CMSS1: variants seen among roughly 807,000 people sequenced by gnomAD.
The protein encoded by CMSS1 is cms1 ribosomal small subunit homolog.
In CMSS1, 33 loss-of-function variants were observed where a neutral mutation model predicts 43.5. That is an observed-to-expected ratio of 0.76 (90% CI 0.57 to 1.01). The LOEUF (loss-of-function observed/expected upper bound fraction) is 1.01, where lower values mean the gene tolerates loss of function less well. Among genes scored for constraint, CMSS1 ranks in the 50% least tolerant of loss-of-function variants. The pLI is 0.00. For missense variants in CMSS1, 313 were observed against 326.4 expected (o/e 0.96, Z 0.32); for synonymous variants, 115 against 117.2 (o/e 0.98, Z 0.12).
chr3:99,870,309 A>G (rs985084609), intron 1 of CMSS1, among the ~76,000 whole-genome samples: 1 of 152,210 alleles, frequency 6.6e-6, no homozygotes, highest in Admixed American at 6.5e-5. Flanking sequence ...TTGAGACACT[A>G]ACATTTATCC....
chr3:99,991,838 G>A lies in CMSS1; in HGVS notation c.65-155135G>A, dbSNP rs984058682. Among the ~76,000 whole-genome samples the A allele has an allele frequency of 2.5e-3, 365 of 147,118 alleles. 1 individual carries two copies. Among genetic ancestry groups the A allele is most frequent in the African/African-American group, 8.6e-3 (344 of 39,888 alleles). Reference sequence around the variant, plus strand: ...CCATGGTGTGTGTATATATATATATGTGTGTGTGTGTGTGTGTGTATGTGT... The same window carrying A: ...CCATGGTGTGTGTATATATATATATATGTGTGTGTGTGTGTGTGTATGTGT... On this transcript the variant is annotated intron_variant, in intron 1 of 9. Coordinates refer to ENST00000421999, the MANE Select transcript of CMSS1 (RefSeq NM_032359.4).
chr3:99,819,270 T>C (rs748226283), intron 1 of CMSS1, among the ~76,000 whole-genome samples: 7 of 152,118 alleles, frequency 4.6e-5, no homozygotes, highest in Non-Finnish European at 1.0e-4. Flanking sequence ...TAACTACCCC[T>C]CCCAACTCAG....
At chr3:99,867,981 G>A (rs1328225518) in intron 1 of CMSS1, among the ~76,000 whole-genome samples, 6 of 152,160 alleles carry the variant, frequency 3.9e-5, no homozygotes, top group Admixed American at 2.0e-4. Flanking sequence ...TATTTAGACT[G>A]TTAATTTCAA....
At chr3:99,967,178 G>T (rs1708679388) in intron 1 of CMSS1, among the ~76,000 whole-genome samples, 1 of 152,224 alleles carries the variant, frequency 6.6e-6, no homozygotes, top group African/African-American at 2.4e-5. Flanking sequence ...AGGACTCTTG[G>T]AATGTGTTCT....
intron 1 of CMSS1, among the ~76,000 whole-genome samples, chr3:99,872,079 AT>A (rs778983945): frequency 5.9e-5 from 9 of 152,068 alleles, no homozygotes; most frequent in Non-Finnish European, 8.8e-5. Flanking sequence ...CCTAGCACTA[AT>A]TAAGGAAAAA....
chr3:100,010,194 A>G (rs1315978056), intron 1 of CMSS1: 1 of 893,588 alleles, frequency 1.1e-6, no homozygotes, highest in Non-Finnish European at 1.3e-6. Flanking sequence ...AAGTATTGCT[A>G]TTTTTATCAA....
intron 1 of CMSS1, among the ~76,000 whole-genome samples, chr3:99,824,399 C>G (rs1461867344): frequency 6.6e-5 from 10 of 152,140 alleles, no homozygotes; most frequent in Non-Finnish European, 1.5e-4. Context: ...TATTATTTTT[C>G]CTTGTTAAAT....
Position 100,162,333 on chromosome 3 carries a change from G to C in CMSS1, c.256G>C (p.Glu86Gln), listed in dbSNP as rs139355781. 186 of 1,612,118 alleles carry C rather than the reference G, an allele frequency of 1.2e-4. No homozygotes were observed. Among genetic ancestry groups the C allele is most frequent in the Non-Finnish European group, 1.5e-4 (172 of 1,179,088 alleles). ...AATTACTGATGTTCTTGCAAAATCA[G>C]AACCAAAACCAGGGTTACCTGAAGA... ...KKITDVLAKS[E>Q]PKPGLPEDLQ... Residue 86 changes from glutamate (E) to glutamine (Q), a missense_variant, in exon 4 of 10, where the codon GAA becomes CAA. Coordinates refer to ENST00000421999, the MANE Select transcript of CMSS1 (RefSeq NM_032359.4).
chr3:99,893,574 G>T (rs184646532), intron 1 of CMSS1, among the ~76,000 whole-genome samples: 2 of 152,172 alleles, frequency 1.3e-5, no homozygotes, highest in East Asian at 3.9e-4. Flanking sequence ...GTTTTTTAAG[G>T]TATGAGGTTT....
At chr3:100,058,618 C>CT (rs1381892542) in intron 1 of CMSS1, among the ~76,000 whole-genome samples, 7 of 152,142 alleles carry the variant, frequency 4.6e-5, no homozygotes, top group Admixed American at 2.0e-4. Context: ...TTTCTCTCCG[C>CT]TTTTTTTCTC....
At chr3:99,989,687 T>TC (rs1475039245) in intron 1 of CMSS1, among the ~76,000 whole-genome samples, 2 of 149,524 alleles carry the variant, frequency 1.3e-5, no homozygotes, top group African/African-American at 5.0e-5. Flanking sequence ...TATATATATT[T>TC]TTTTTCTTTT....
intron 1 of CMSS1, among the ~76,000 whole-genome samples, chr3:99,884,490 G>A (rs1441571073): frequency 5.3e-5 from 8 of 152,180 alleles, no homozygotes; most frequent in Non-Finnish European, 1.2e-4. Flanking sequence ...GGAAAGGGAA[G>A]GGAAAGGAAT....
At chr3:100,032,464 T>G (rs1576656646) in intron 1 of CMSS1, among the ~76,000 whole-genome samples, 1 of 152,146 alleles carries the variant, frequency 6.6e-6, no homozygotes, top group Non-Finnish European at 1.5e-5. Flanking sequence ...CAGCTGGTGG[T>G]TTCTGTTATC....
At chr3:100,062,045 A>T (rs1335928047) in intron 1 of CMSS1, among the ~76,000 whole-genome samples, 1 of 147,664 alleles carries the variant, frequency 6.8e-6, no homozygotes, top group Non-Finnish European at 1.5e-5. Context: ...CTTCCCTAGT[A>T]ATACTTAGAG....
intron 1 of CMSS1, among the ~76,000 whole-genome samples, chr3:100,136,769 C>T (rs2066759654): frequency 6.6e-6 from 1 of 152,196 alleles, no homozygotes; most frequent in Admixed American, 6.5e-5. Flanking sequence ...GAGAGATACA[C>T]TTACAGGCCA....
intron 1 of CMSS1, among the ~76,000 whole-genome samples, chr3:99,968,490 G>A (rs890705509): frequency 6.6e-6 from 1 of 151,876 alleles, no homozygotes; most frequent in African/African-American, 2.4e-5. Flanking sequence ...AGGCTATCCA[G>A]GTAAATAAAC....
At chr3:100,014,002 C>G (rs1710243587) in intron 1 of CMSS1, among the ~76,000 whole-genome samples, 1 of 152,076 alleles carries the variant, frequency 6.6e-6, no homozygotes, top group African/African-American at 2.4e-5. Context: ...CTCCTGGCAA[C>G]TGCCACTCTA....
chr3:99,982,514 T>A (rs930629342), intron 1 of CMSS1, among the ~76,000 whole-genome samples: 7 of 152,126 alleles, frequency 4.6e-5, no homozygotes, highest in African/African-American at 1.4e-4. Context: ...CTAATTTTTT[T>A]ATTTTTTTAT....
At chr3:100,094,297 A>G (rs1266810978) in intron 1 of CMSS1, among the ~76,000 whole-genome samples, 5 of 152,004 alleles carry the variant, frequency 3.3e-5, no homozygotes, top group African/African-American at 1.2e-4. Flanking sequence ...TTTATTGTTA[A>G]GTTTTAAGAG....
Sources: allele counts gnomAD v4.1 joint callset (sites outside exome capture counted in the v4.1 genomes callset), GRCh38; gene constraint gnomAD v4.1.1; transcripts MANE v1.5; gene names NCBI Gene and HGNC (gene_info 2026-07-23, HGNC 2026-07-21).